PSD3: variants seen among roughly 807,000 people sequenced by gnomAD.
PSD3 encodes the protein pleckstrin and Sec7 domain containing 3.
Under a neutral mutation model 105.5 loss-of-function variants are expected in PSD3, and 49 were observed. That is an observed-to-expected ratio of 0.46 (90% CI 0.37 to 0.59). The LOEUF is 0.59. Ranked by LOEUF, PSD3 falls within the 20% of genes least tolerant of loss-of-function variation. The pLI is 0.00. For synonymous variants in PSD3, 557 were observed against 457.8 expected (o/e 1.22, Z -2.77); for missense variants, 1,561 against 1,263.8 (o/e 1.24, Z -3.57).
At chr8:18,634,117 A>C (rs1028546537) in intron 10 of PSD3, among the ~76,000 whole-genome samples, 1 of 151,912 alleles carries the variant, frequency 6.6e-6, no homozygotes, top group African/African-American at 2.4e-5. Flanking sequence ...AAGGTTATTT[A>C]GTTTTTTGCT....
At chr8:18,561,590 A>G (rs539646052) in intron 14 of PSD3, among the ~76,000 whole-genome samples, 5 of 152,222 alleles carry the variant, frequency 3.3e-5, no homozygotes, top group Admixed American at 6.5e-5. Context: ...AACTTGCTCA[A>G]AGAATAGAAT....
chr8:18,930,376 T>A (rs1821662326), intron 2 of PSD3, among the ~76,000 whole-genome samples: 1 of 152,184 alleles, frequency 6.6e-6, no homozygotes, highest in African/African-American at 2.4e-5. Context: ...ACTTGTGTTA[T>A]TCATTCCTCA....
chr8:18,717,824 T>C (rs1225291660), intron 9 of PSD3, among the ~76,000 whole-genome samples: 2 of 152,220 alleles, frequency 1.3e-5, no homozygotes, highest in East Asian at 1.9e-4. Context: ...ATTTTCTTTG[T>C]ATTTCATAAA....
At chr8:18,808,761 C>A in intron 4 of PSD3, 1 of 1,614,086 alleles carries the variant, frequency 6.2e-7, no homozygotes, top group Non-Finnish European at 8.5e-7. Flanking sequence ...TTACCAGCAA[C>A]CATACAGACA....
rs59598569 is a variant in PSD3, at chr8:18,879,051, AACAC to A, written c.131-6322_131-6319del. Among the ~76,000 whole-genome samples, 1,313 of 138,644 alleles carry A rather than the reference AACAC, an allele frequency of 9.5e-3. 3 individuals are homozygous for A. Among genetic ancestry groups the A allele is most frequent in the Middle Eastern group, 0.022 (6 of 268 alleles). 91.0% of individuals were successfully genotyped at this position (138,644 alleles called of 152,430 possible). The stretch of plus-strand genomic sequence containing the variant: ...ACAAACAAACAAACACACACACACA[AACAC>A]ACACACACACACACACACACACACA... On this transcript the variant is annotated intron_variant, in intron 2 of 15. Transcript: ENST00000327040.
intron 9 of PSD3, among the ~76,000 whole-genome samples, chr8:18,677,942 A>C (rs12675278): frequency 2.0e-5 from 3 of 150,480 alleles, no homozygotes; most frequent in Non-Finnish European, 4.4e-5. Context: ...CCTGGGAGGC[A>C]GAGCTTGCAG....
At chr8:18,970,964 G>C (rs889356122) in intron 1 of PSD3, among the ~76,000 whole-genome samples, 3 of 149,384 alleles carry the variant, frequency 2.0e-5, no homozygotes, top group African/African-American at 7.5e-5. Context: ...AAGTAAAAGA[G>C]CGAGACTCTG....
intron 14 of PSD3, among the ~76,000 whole-genome samples, chr8:18,561,279 A>G (rs573984422): frequency 1.3e-5 from 2 of 152,212 alleles, no homozygotes; most frequent in African/African-American, 4.8e-5. Flanking sequence ...TACACAATGG[A>G]GTATTATTTA....
intron 9 of PSD3, among the ~76,000 whole-genome samples, chr8:18,728,325 C>T (rs9325840): frequency 0.059 from 8,996 of 152,248 alleles, 519 homozygotes; most frequent in East Asian, 0.24. Context: ...CTTCTCCAAA[C>T]TTATAGTCTC....
chr8:18,959,696 A>G (rs905329835), intron 1 of PSD3, among the ~76,000 whole-genome samples: 1 of 152,166 alleles, frequency 6.6e-6, no homozygotes, highest in African/African-American at 2.4e-5. Flanking sequence ...GAAAATGGCT[A>G]AAGATCAGTG....
chr8:19,025,507 T>C (rs944215399), intron 1 of PSD3, among the ~76,000 whole-genome samples: 1 of 152,202 alleles, frequency 6.6e-6, no homozygotes, highest in Non-Finnish European at 1.5e-5. Flanking sequence ...CTTGAATTTC[T>C]TGATGGTGAA....
At chr8:18,831,567 C>T (rs1415558595) in intron 4 of PSD3, among the ~76,000 whole-genome samples, 1 of 151,996 alleles carries the variant, frequency 6.6e-6, no homozygotes, top group Non-Finnish European at 1.5e-5. Context: ...ACTAAAAATA[C>T]AAAAATTAGC....
At chr8:18,615,809 G>T (rs1322966497) in intron 11 of PSD3, among the ~76,000 whole-genome samples, 1 of 152,212 alleles carries the variant, frequency 6.6e-6, no homozygotes, top group Non-Finnish European at 1.5e-5. Context: ...AACCTCTGAA[G>T]CACCCCAGAA....
At chr8:18,549,973 G>T (rs927481109) in intron 15 of PSD3, among the ~76,000 whole-genome samples, 2 of 152,162 alleles carry the variant, frequency 1.3e-5, no homozygotes, top group Non-Finnish European at 2.9e-5. Context: ...GAAAGGATAA[G>T]GTCATGCCAA....
rs868040207 is a variant in PSD3, at chr8:19,000,633, C to G, written c.21+12930G>C. 4 of 151,822 alleles carry G rather than the reference C, an allele frequency of 2.6e-5. No individual in the cohort carries two copies. The South Asian group carries it at 8.4e-4, about 32-fold the overall frequency. The allele number at this position is 151,822 out of a possible 1,614,324, so 9.4% of individuals were successfully genotyped here. ...AGAGCTATTAATGAAAGTCACACAC[C>G]TGAAGCTCTAAAAGCAGCCCAGGGA... is the stretch of plus-strand genomic sequence containing the variant. On this transcript the variant is annotated intron_variant, in intron 1 of 15. Coordinates refer to ENST00000327040, the MANE Select transcript of PSD3 (RefSeq NM_015310.4).
chr8:19,052,716 G>A (rs1183912047), intron 1 of PSD3, among the ~76,000 whole-genome samples: 1 of 152,050 alleles, frequency 6.6e-6, no homozygotes, highest in Admixed American at 6.5e-5. Context: ...TCTACACAAA[G>A]GGGGAAGGAG....
At chr8:18,616,628 C>CTT (rs71217391) in intron 11 of PSD3, among the ~76,000 whole-genome samples, 2 of 126,776 alleles carry the variant, frequency 1.6e-5, no homozygotes, top group Non-Finnish European at 3.3e-5. Flanking sequence ...CTTTTCTTTT[C>CTT]TTTTTTTTTT....
intron 14 of PSD3, among the ~76,000 whole-genome samples, chr8:18,558,078 C>T (rs562060954): frequency 5.9e-5 from 9 of 152,322 alleles, no homozygotes; most frequent in African/African-American, 2.2e-4. Flanking sequence ...CCTCACCAGA[C>T]ACCAACTCTG....
intron 1 of PSD3, among the ~76,000 whole-genome samples, chr8:19,024,029 T>C (rs969509506): frequency 2.6e-5 from 4 of 152,244 alleles, no homozygotes; most frequent in African/African-American, 7.2e-5. Flanking sequence ...TGAAAAATTA[T>C]CTGCATCCTC....
Sources: gnomAD v4.1 joint callset for allele counts (sites outside exome capture counted in the v4.1 genomes callset) on GRCh38, gnomAD v4.1.1 for gene constraint, MANE v1.5 for transcripts, NCBI Gene and HGNC (gene_info 2026-07-23, HGNC 2026-07-21) for gene names.